Variants in LRRC4C observed in about 807,000 individuals in gnomAD.
LRRC4C encodes the protein leucine-rich repeat-containing protein 4C.
LRRC4C carries 5 observed loss-of-function variants against 33.6 expected under a neutral mutation model. The ratio of observed to expected loss-of-function variants is 0.15; its 90% CI spans 0.08 to 0.31. The LOEUF (loss-of-function observed/expected upper bound fraction) is 0.31. Ranked by LOEUF, LRRC4C falls within the 10% of genes least tolerant of loss-of-function variation. The pLI, the probability that LRRC4C is intolerant of heterozygous loss-of-function variation, is 1.00. For missense variants in LRRC4C, 560 were observed against 796.7 expected (o/e 0.70, Z 3.58); for synonymous variants, 329 against 302.0 (o/e 1.09, Z -0.93).
In LRRC4C at chr11:40,301,507, C is replaced by T. The variant is rs532540229; in HGVS notation, c.-176+18121G>A. Among the ~76,000 whole-genome samples the T allele has an allele frequency of 5.3e-5, 8 of 152,298 alleles. No homozygotes were observed. In the South Asian group the frequency reaches 1.4e-3, roughly 28 times the overall value. ...ACAGCTGCATTTTATACAGCTAAAT[C>T]AGCACTTGATACTAAACAATTCCTA... On this transcript the variant is annotated intron_variant, in intron 4 of 6. Transcript: ENST00000528697.
intron 3 of LRRC4C, among the ~76,000 whole-genome samples, chr11:40,417,560 T>C (rs528044310): frequency 2.9e-4 from 44 of 152,082 alleles, no homozygotes; most frequent in Non-Finnish European, 5.4e-4. Flanking sequence ...CAGGCTCAAG[T>C]GATCTGCCCA....
intron 1 of LRRC4C, among the ~76,000 whole-genome samples, chr11:41,099,118 T>C (rs1941000252): frequency 6.6e-6 from 1 of 151,830 alleles, no homozygotes; most frequent in South Asian, 2.1e-4. Context: ...ATGTATACCC[T>C]CCCAAGACTG....
At chr11:41,037,574 T>TCACACACACACACACACACACA (rs56234239) in intron 1 of LRRC4C, among the ~76,000 whole-genome samples, 2 of 148,862 alleles carry the variant, frequency 1.3e-5, no homozygotes, top group Non-Finnish European at 3.0e-5. Context: ...TCTTTTCCTT[T>TCACACACACACACACACACACA]CACACACACA....
chr11:41,031,189 G>T (rs534002327), intron 1 of LRRC4C, among the ~76,000 whole-genome samples: 1 of 151,868 alleles, frequency 6.6e-6, no homozygotes, highest in African/African-American at 2.4e-5. Context: ...GTACAGTGTG[G>T]CTGAAAAGGC....
At chr11:41,058,127 G>A (rs906670756) in intron 1 of LRRC4C, among the ~76,000 whole-genome samples, 4 of 152,226 alleles carry the variant, frequency 2.6e-5, no homozygotes, top group African/African-American at 9.6e-5. Context: ...TTGCCATGCT[G>A]TGAGCAAAGA....
chr11:41,229,204 T>A (rs1828795802), intron 1 of LRRC4C, among the ~76,000 whole-genome samples: 1 of 152,056 alleles, frequency 6.6e-6, no homozygotes, highest in African/African-American at 2.4e-5. Flanking sequence ...GGTATCCTTG[T>A]AAGAAAAGGA....
chr11:41,385,134 C>G (rs1391478601), intron 1 of LRRC4C, among the ~76,000 whole-genome samples: 1 of 150,926 alleles, frequency 6.6e-6, no homozygotes, highest in Non-Finnish European at 1.5e-5. Flanking sequence ...CAGAGAACTA[C>G]AAAGAGAAAT....
At chr11:41,306,996 T>G (rs1000577208) in intron 1 of LRRC4C, among the ~76,000 whole-genome samples, 10 of 152,234 alleles carry the variant, frequency 6.6e-5, no homozygotes, top group African/African-American at 2.4e-4. Context: ...TAGATAGTTG[T>G]AGTTTGAACT....
intron 1 of LRRC4C, among the ~76,000 whole-genome samples, chr11:41,203,444 G>T (rs1313095228): frequency 6.6e-6 from 1 of 152,174 alleles, no homozygotes; most frequent in Non-Finnish European, 1.5e-5. Flanking sequence ...TTAAGAGGAA[G>T]CAATTTTTTT....
At chr11:41,001,718 C>T (rs1287436967) in intron 1 of LRRC4C, among the ~76,000 whole-genome samples, 2 of 152,152 alleles carry the variant, frequency 1.3e-5, no homozygotes, top group Non-Finnish European at 2.9e-5. Flanking sequence ...GAAAAGACCT[C>T]GTTTATTGAT....
chr11:41,147,267 C>T (rs919693125), intron 1 of LRRC4C, among the ~76,000 whole-genome samples: 1 of 152,168 alleles, frequency 6.6e-6, no homozygotes, highest in Non-Finnish European at 1.5e-5. Context: ...TTAGTAGGTT[C>T]ATGAATGTCT....
At chr11:40,343,664 CA>C (rs34807268) in intron 3 of LRRC4C, among the ~76,000 whole-genome samples, 42,863 of 92,256 alleles carry the variant, frequency 0.46, 6,853 homozygotes, top group East Asian at 0.62. Context: ...AAATTCTAGA[CA>C]AAAAAAAACT....
chr11:40,726,323 A>C (rs950821181), intron 2 of LRRC4C, among the ~76,000 whole-genome samples: 7 of 152,156 alleles, frequency 4.6e-5, no homozygotes, highest in African/African-American at 1.7e-4. Flanking sequence ...TCATGCTGAC[A>C]CCAAAATCTG....
At chr11:40,315,692 A>G (rs1210590466) in intron 4 of LRRC4C, among the ~76,000 whole-genome samples, 1 of 151,986 alleles carries the variant, frequency 6.6e-6, no homozygotes, top group African/African-American at 2.4e-5. Context: ...ATGCCTGTAG[A>G]TATGTCTTCA....
At chr11:40,194,367 A>G (rs1435310399) in intron 5 of LRRC4C, among the ~76,000 whole-genome samples, 10 of 152,344 alleles carry the variant, frequency 6.6e-5, no homozygotes, top group African/African-American at 2.2e-4. Context: ...TCATAAGTGA[A>G]GGAGAAATAA....
At chr11:40,837,448 GAAT>G (rs1224102519) in intron 2 of LRRC4C, among the ~76,000 whole-genome samples, 2 of 151,950 alleles carry the variant, frequency 1.3e-5, no homozygotes, top group Admixed American at 1.3e-4. Flanking sequence ...TATTATGGAA[GAAT>G]AATAGCAAAA....
chr11:40,366,488 G>C (rs1948214146), intron 3 of LRRC4C, among the ~76,000 whole-genome samples: 1 of 151,922 alleles, frequency 6.6e-6, no homozygotes, highest in Non-Finnish European at 1.5e-5. Flanking sequence ...GGGAGATGGT[G>C]AGATTTCAGA....
At chr11:41,326,350 G>A (rs899318285) in intron 1 of LRRC4C, among the ~76,000 whole-genome samples, 2 of 152,106 alleles carry the variant, frequency 1.3e-5, no homozygotes, top group African/African-American at 4.8e-5. Context: ...AGGCTGCACT[G>A]TCAGCATCCC....
chr11:41,449,671 C>T (rs550748437), intron 1 of LRRC4C, among the ~76,000 whole-genome samples: 5 of 151,652 alleles, frequency 3.3e-5, no homozygotes, highest in Admixed American at 2.0e-4. Flanking sequence ...CAAACAGGCA[C>T]CTGGTAAGTG....
Sources: allele counts gnomAD v4.1 joint callset (sites outside exome capture counted in the v4.1 genomes callset), GRCh38; gene constraint gnomAD v4.1.1; transcripts MANE v1.5; gene names NCBI Gene and HGNC (gene_info 2026-07-23, HGNC 2026-07-21).